The following MYO7A variants were observed in gnomAD, a reference collection of about 807,000 sequenced individuals.
MYO7A encodes the protein unconventional myosin-VIIa.
A neutral mutation model predicts 263.8 loss-of-function variants in MYO7A; 210 were observed. The observed-to-expected ratio is 0.80, with a 90% CI of 0.71 to 0.89. The LOEUF (loss-of-function observed/expected upper bound fraction) is 0.89, where lower values mean the gene tolerates loss of function less well. Among genes scored for constraint, MYO7A ranks in the 40% least tolerant of loss-of-function variants. The probability of loss-of-function intolerance (pLI) is 0.00; values close to 1 mark genes in which losing one functional copy is unlikely to be tolerated. For synonymous variants in MYO7A, 1,239 were observed against 1,197.3 expected (o/e 1.03, Z -0.72); for missense variants, 2,820 against 2,968.3 (o/e 0.95, Z 1.16).
intron 30 of MYO7A, among the ~76,000 whole-genome samples, chr11:77,191,615 G>A (rs1956077804): frequency 6.6e-6 from 1 of 152,218 alleles, no homozygotes; most frequent in East Asian, 1.9e-4. Flanking sequence ...CACCTCGGAG[G>A]CTGGAGCCTC....
At chr11:77,213,796 T>A in intron 47 of MYO7A, 64 bp from the exon 48 acceptor site, 3 of 1,610,430 alleles carry the variant, frequency 1.9e-6, no homozygotes, top group South Asian at 2.2e-5. Flanking sequence ...TGTGAGGGCA[T>A]GTGTGGGCAA....
chr11:77,182,630 C>G, intron 25 of MYO7A, 30 bp downstream of exon 25: 3 of 1,610,270 alleles, frequency 1.9e-6, no homozygotes, highest in Non-Finnish European at 2.5e-6. Flanking sequence ...TGGATGATGT[C>G]CCTCCCAGGC....
chr11:77,200,742 CCTT>C lies in MYO7A; in HGVS notation c.4853-700_4853-698del, dbSNP rs1328535732. ...GCCTGTGGGGAACCTCTTCTCCCTC[CCTT>C]CTTCTGGCTCTTCAATACTCATCTC... On this transcript the variant is annotated intron_variant, in intron 35 of 48. Transcript: ENST00000409709. Among the ~76,000 whole-genome samples the C allele has an allele frequency of 2.6e-5, 4 of 152,378 alleles. No homozygotes were observed. The East Asian group carries it at 7.7e-4, about 29-fold the overall frequency.
At chr11:77,198,771 T>A in intron 34 of MYO7A, 150 bp downstream of exon 34, 2 of 1,224,066 alleles carry the variant, frequency 1.6e-6, no homozygotes, top group Non-Finnish European at 2.3e-6. Context: ...CAGACCCCTC[T>A]GGCACCTCCT....
intron 19 of MYO7A, among the ~76,000 whole-genome samples, chr11:77,178,263 A>ATCCG (rs1555081394): frequency 7.7e-6 from 1 of 129,314 alleles, no homozygotes; most frequent in Non-Finnish European, 1.6e-5. Flanking sequence ...CCGCCCACAC[A>ATCCG]CCCACCTAGT....
intron 4 of MYO7A, among the ~76,000 whole-genome samples, chr11:77,152,889 C>A (rs1952096419): frequency 6.6e-6 from 1 of 152,044 alleles, no homozygotes; most frequent in South Asian, 2.1e-4. Flanking sequence ...GGAAGCGTGT[C>A]CCTGGTCTGA....
rs1555077359 is a variant in MYO7A, at chr11:77,172,895, C to T, written c.1935+10C>T. ...GTTCAAGAAGCCCATGGTGAGTGGC[C>T]CTGGCCTGGGGTTGGCGGGTGGCGG... On this transcript the variant is annotated intron_variant, in intron 16 of 48. Transcript: ENST00000409709. The T allele has an allele frequency of 6.5e-7, 1 of 1,544,982 alleles. No homozygotes were observed. Among genetic ancestry groups the T allele is most frequent in the Admixed American group, 2.0e-5 (1 of 50,864 alleles).
chr11:77,198,326 A>T (rs1181842427), intron 33 of MYO7A, among the ~76,000 whole-genome samples, 169 bp from the exon 34 acceptor site: 4 of 152,092 alleles, frequency 2.6e-5, no homozygotes, highest in African/African-American at 9.7e-5. Context: ...CTCTCTTCCT[A>T]CTGCACTTTG....
chr11:77,212,084 C>T, intron 46 of MYO7A, 147 bp downstream of exon 46: 1 of 743,726 alleles, frequency 1.3e-6, no homozygotes, highest in Non-Finnish European at 2.4e-6. Flanking sequence ...CAGCCTTGTC[C>T]CAGCTTAGCG....
intron 2 of MYO7A, 22 bp from the exon 3 acceptor site, chr11:77,142,687 T>G: frequency 2.6e-5 from 41 of 1,582,166 alleles, no homozygotes; most frequent in Non-Finnish European, 3.2e-5. Context: ...TCACCTGGGC[T>G]GAGACTCTCT....
intron 26 of MYO7A, among the ~76,000 whole-genome samples, chr11:77,183,519 G>C (rs1955428810): frequency 6.6e-6 from 1 of 152,266 alleles, no homozygotes; most frequent in Non-Finnish European, 1.5e-5. Flanking sequence ...TGTGGAACAA[G>C]AGTGCTCATG....
intron 15 of MYO7A, among the ~76,000 whole-genome samples, chr11:77,171,832 T>C (rs1954118315): frequency 6.6e-6 from 1 of 152,218 alleles, no homozygotes; most frequent in Non-Finnish European, 1.5e-5. Context: ...GCTTCCTGTT[T>C]GTTTGCGGCT....
intron 32 of MYO7A, among the ~76,000 whole-genome samples, chr11:77,195,337 C>T (rs905452725): frequency 1.2e-4 from 18 of 152,042 alleles, no homozygotes; most frequent in African/African-American, 3.6e-4. Context: ...AGAGGAGGAG[C>T]GTCTCCTCCC....
intron 2 of MYO7A, chr11:77,142,432 G>C: frequency 2.8e-6 from 1 of 356,948 alleles, no homozygotes; most frequent in Non-Finnish European, 5.6e-6. Context: ...GGGAGAGCTG[G>C]GCTTTGAGAG....
chr11:77,214,847 C>G lies in MYO7A; in HGVS notation c.*151C>G. 1.6e-6 allele frequency: 1 copy of G among 616,152 alleles called. No homozygotes were observed. The allele number at this position is 616,152 out of a possible 1,614,324, so 38.2% of individuals were successfully genotyped here. On this transcript the variant is annotated 3_prime_UTR_variant, in exon 49 of 49. Transcript: ENST00000409709. ...ACCACTGACTATACCAACTGGGCCTCTGATGTTCTTCCAGTGAGGCATCTC... is the reference window on the plus strand; with the variant it reads ...ACCACTGACTATACCAACTGGGCCTGTGATGTTCTTCCAGTGAGGCATCTC...
chr11:77,174,554 A>G (rs1954445904), intron 16 of MYO7A, among the ~76,000 whole-genome samples: 1 of 152,224 alleles, frequency 6.6e-6, no homozygotes, highest in Admixed American at 6.5e-5. Context: ...CTCCCAAAGC[A>G]CACAGCTCCA....
chr11:77,135,592 T>G (rs987381564), intron 2 of MYO7A, among the ~76,000 whole-genome samples: 1 of 152,230 alleles, frequency 6.6e-6, no homozygotes, highest in Non-Finnish European at 1.5e-5. Flanking sequence ...TATCCAGAAG[T>G]AGAATTGCTG....
rs73497642 is a variant in MYO7A at position 77,209,010 on chromosome 11, G to A, written c.6051+207G>A. The A allele has an allele frequency of 3.8e-3, 2,225 of 580,918 alleles. 47 individuals carry two copies. The highest frequency in any genetic ancestry group is 0.037 in the African/African-American group (1,998 of 53,664). The allele number at this position is 580,918 out of a possible 1,614,324, so 36.0% of individuals were successfully genotyped here. A position where few individuals can be genotyped will look rare whatever the true frequency, so the allele number is the denominator to read the frequency against. On this transcript the variant is annotated intron_variant, in intron 44 of 48. Transcript: ENST00000409709. Reference sequence around the variant, plus strand: ...CTGATTCTTCAGCCCTTAGGGGCTTGACAGTTCCTCCTCTGAGCTTCCGAT... The same window carrying A: ...CTGATTCTTCAGCCCTTAGGGGCTTAACAGTTCCTCCTCTGAGCTTCCGAT...
chr11:77,176,601 G>A (rs12290505), intron 18 of MYO7A, among the ~76,000 whole-genome samples: 2,980 of 152,246 alleles, frequency 0.02, 85 homozygotes, highest in African/African-American at 0.067. Flanking sequence ...CAGGGAACTC[G>A]GAGGAGCTCC....
Sources: gnomAD v4.1 joint callset for allele counts (sites outside exome capture counted in the v4.1 genomes callset) on GRCh38, gnomAD v4.1.1 for gene constraint, MANE v1.5 for transcripts, NCBI Gene and HGNC (gene_info 2026-07-23, HGNC 2026-07-21) for gene names.